The following PCDH9 variants were observed in gnomAD, a reference collection of about 807,000 sequenced individuals.
PCDH9 encodes protocadherin-9.
A neutral mutation model predicts 70.6 loss-of-function variants in PCDH9; 24 were observed. The observed-to-expected ratio is 0.34, with a 90% CI of 0.25 to 0.48. The LOEUF is 0.48. Among genes scored for constraint, PCDH9 ranks in the 20% least tolerant of loss-of-function variants. The pLI, the probability that PCDH9 is intolerant of heterozygous loss-of-function variation, is 0.99. For synonymous variants in PCDH9, 562 were observed against 558.5 expected (o/e 1.01, Z -0.09); for missense variants, 1,281 against 1,503.6 (o/e 0.85, Z 2.45).
chr13:66,951,871 T>C (rs754502667), intron 2 of PCDH9, among the ~76,000 whole-genome samples: 30 of 152,312 alleles, frequency 2.0e-4, no homozygotes, highest in Admixed American at 5.2e-4. Context: ...TGCGGGGATC[T>C]AGCTGTTAAA....
At chr13:67,089,008 C>A (rs2086163954) in intron 2 of PCDH9, among the ~76,000 whole-genome samples, 1 of 151,996 alleles carries the variant, frequency 6.6e-6, no homozygotes, top group Non-Finnish European at 1.5e-5. Context: ...TATTTTCTTG[C>A]ATATTTCCCT....
At chr13:66,731,327 A>G (rs1330969835) in intron 3 of PCDH9, among the ~76,000 whole-genome samples, 6 of 152,118 alleles carry the variant, frequency 3.9e-5, no homozygotes, top group Admixed American at 3.3e-4. Flanking sequence ...GACATTTTGT[A>G]TACAATTTTT....
In PCDH9 at chr13:66,305,023, G is replaced by T. The variant is rs758646449; in HGVS notation, c.3346C>A (p.Pro1116Thr). 1.2e-6 allele frequency: 2 copies of T among 1,608,276 alleles called. No individual in the cohort carries two copies. The highest frequency in any genetic ancestry group is 1.7e-5 in the Admixed American group (1 of 59,578). ...TCAGCTAATCCTCGGGGACCCAAAGGCCCATCTGCAGAAGACAAGAGAGAG... is the reference window on the plus strand; with the variant it reads ...TCAGCTAATCCTCGGGGACCCAAAGTCCCATCTGCAGAAGACAAGAGAGAG... ...DGNSDPNSDG[P>T]LGPRGLAEAT... The change falls in exon 5 of 5, where the codon CCT becomes ACT. Residue 1116 changes from proline (P) to threonine (T), a missense_variant. Pro to Thr is a conservative substitution (Grantham distance 38, BLOSUM62 -1). This residue lies in a region of PCDH9 where 264 missense variants were observed against 278.8 expected (regional missense o/e 0.95). Coordinates refer to ENST00000377865, the MANE Select transcript of PCDH9 (RefSeq NM_203487.3).
intron 2 of PCDH9, among the ~76,000 whole-genome samples, chr13:66,958,538 G>C (rs1040741982): frequency 6.6e-5 from 10 of 152,106 alleles, no homozygotes; most frequent in Admixed American, 4.6e-4. Context: ...ATACTGTATA[G>C]CAGTTAATAT....
At chr13:66,801,803 C>T (rs972256200) in intron 3 of PCDH9, among the ~76,000 whole-genome samples, 1 of 151,920 alleles carries the variant, frequency 6.6e-6, no homozygotes, top group African/African-American at 2.4e-5. Context: ...AATCTTGTGG[C>T]TTTTTGAAAA....
chr13:67,078,442 C>T (rs974023518), intron 2 of PCDH9, among the ~76,000 whole-genome samples: 4 of 152,138 alleles, frequency 2.6e-5, no homozygotes, highest in African/African-American at 9.7e-5. Context: ...CTTTTACCAT[C>T]TTAGTGTCTG....
Position 67,227,326 on chromosome 13 carries a change from T to G in PCDH9, c.1115A>C (p.Tyr372Ser). The change falls in exon 2 of 5, where the codon TAT becomes TCT. Residue 372 changes from tyrosine (Y) to serine (S), a missense_variant. Physicochemically the swap from Tyr to Ser is moderately radical, Grantham distance 144. This residue lies in a region of PCDH9 where 798 missense variants were observed against 1,003.1 expected (regional missense o/e 0.80). Coordinates refer to ENST00000377865, the MANE Select transcript of PCDH9 (RefSeq NM_203487.3). The surrounding 1 kb of genome is among the most constrained non-coding windows in gnomAD (Gnocchi z 4.6). Reference sequence around the variant, plus strand: ...ATTGACAGGATCTTTCTCAGATAAATACACGGTGCCATTGATGGGACTTAT... The same window carrying G: ...ATTGACAGGATCTTTCTCAGATAAAGACACGGTGCCATTGATGGGACTTAT... ...YIISPINGTV[Y>S]LSEKDPVNTK... 6.2e-7 allele frequency: 1 copy of G among 1,613,984 alleles called. No individual in the cohort carries two copies. Among genetic ancestry groups the G allele is most frequent in the South Asian group, 1.1e-5 (1 of 91,068 alleles).
At chr13:66,326,512 G>A (rs9571571) in intron 4 of PCDH9, among the ~76,000 whole-genome samples, 31,666 of 151,644 alleles carry the variant, frequency 0.21, 3,641 homozygotes, top group East Asian at 0.38. Flanking sequence ...TCCGCCTCCC[G>A]GGTTTACGCC....
rs937672418 is a variant in PCDH9 at position 66,747,839 on chromosome 13, A to G, written c.3139-116428T>C. On this transcript the variant is annotated intron_variant, in intron 3 of 4. Transcript: ENST00000377865. Reference sequence around the variant, plus strand: ...CTTAAAATTTCTGTTTCATAAAAATATGACAATAATTTATTAATTGTGGTG... The same window carrying G: ...CTTAAAATTTCTGTTTCATAAAAATGTGACAATAATTTATTAATTGTGGTG... Among the ~76,000 whole-genome samples, 3 of 152,214 alleles carry G rather than the reference A, an allele frequency of 2.0e-5. No individual in the cohort carries two copies. In the South Asian group the frequency reaches 6.2e-4, roughly 31 times the overall value.
intron 4 of PCDH9, among the ~76,000 whole-genome samples, chr13:66,510,244 G>A (rs915711435): frequency 6.6e-5 from 10 of 151,526 alleles, no homozygotes; most frequent in Admixed American, 1.3e-4. Context: ...AATGTGCCTC[G>A]GTTTAAAACT....
At chr13:66,475,610 T>C (rs1370245105) in intron 4 of PCDH9, among the ~76,000 whole-genome samples, 4 of 152,068 alleles carry the variant, frequency 2.6e-5, no homozygotes, top group Non-Finnish European at 5.9e-5. Context: ...ATCTTTATCT[T>C]TCCTATGCCC....
At chr13:66,866,733 G>C (rs1188445946) in intron 3 of PCDH9, among the ~76,000 whole-genome samples, 1 of 150,322 alleles carries the variant, frequency 6.7e-6, no homozygotes. Context: ...GGATACGGAG[G>C]TTGCAATGAG....
At chr13:67,033,399 T>C in intron 2 of PCDH9, among the ~76,000 whole-genome samples, 1 of 152,176 alleles carries the variant, frequency 6.6e-6, no homozygotes, top group Admixed American at 6.5e-5. Context: ...AGTTCATGTG[T>C]CATAGATAAG....
intron 2 of PCDH9, among the ~76,000 whole-genome samples, chr13:67,110,059 A>C (rs1438096604): frequency 1.3e-5 from 2 of 152,172 alleles, no homozygotes; most frequent in African/African-American, 4.8e-5. Flanking sequence ...GAGGCTTTGC[A>C]CATGCAAATG....
chr13:66,591,885 CATTAT>C (rs931570027), intron 4 of PCDH9, among the ~76,000 whole-genome samples: 1 of 151,462 alleles, frequency 6.6e-6, no homozygotes, highest in Non-Finnish European at 1.5e-5. Flanking sequence ...TTAAACATTA[CATTAT>C]AACATTACAA....
intron 4 of PCDH9, 97 bp downstream of exon 4, chr13:66,631,113 A>C: frequency 1.5e-6 from 1 of 678,132 alleles, no homozygotes; most frequent in Non-Finnish European, 2.7e-6. Context: ...AAAATAACTA[A>C]ATGTTCATCC....
At chr13:66,877,059 C>T (rs945940072) in intron 3 of PCDH9, 3 of 138,330 alleles carry the variant, frequency 2.2e-5, no homozygotes, top group South Asian at 2.3e-4. Context: ...AAAAAAAATG[C>T]ATTAACTGAA....
At chr13:66,494,650 C>A (rs568116973) in intron 4 of PCDH9, among the ~76,000 whole-genome samples, 1 of 152,086 alleles carries the variant, frequency 6.6e-6, no homozygotes, top group South Asian at 2.1e-4. Context: ...GGGTACACAC[C>A]CTTTAAGGTA....
intron 4 of PCDH9, among the ~76,000 whole-genome samples, chr13:66,312,655 T>A (rs77523054): frequency 6.6e-6 from 1 of 152,032 alleles, no homozygotes; most frequent in South Asian, 2.1e-4. Context: ...CACATTTAGA[T>A]TTTTGAGTGT....
Sources: allele counts gnomAD v4.1 joint callset (sites outside exome capture counted in the v4.1 genomes callset), GRCh38; gene constraint gnomAD v4.1.1; regional missense constraint gnomAD v4.1.1; non-coding constraint Gnocchi (gnomAD v3.1); transcripts MANE v1.5; gene names NCBI Gene and HGNC (gene_info 2026-07-23, HGNC 2026-07-21).